Variants in TIMM21 observed in about 807,000 individuals in gnomAD.
TIMM21 encodes mitochondrial import inner membrane translocase subunit Tim21.
Under a neutral mutation model 27.7 loss-of-function variants are expected in TIMM21, and 30 were observed. The observed-to-expected ratio is 1.08, with a 90% CI of 0.81 to 1.47. TIMM21 has a LOEUF of 1.47. TIMM21 is among the 40% of genes most tolerant of loss of function. The probability of loss-of-function intolerance (pLI) is 0.00; values close to 1 mark genes in which losing one functional copy is unlikely to be tolerated. For synonymous variants in TIMM21, 121 were observed against 114.4 expected, an observed-to-expected ratio of 1.06 and a Z score of -0.37; for missense variants, 292 against 302.9, an observed-to-expected ratio of 0.96 and a Z score of 0.27.
rs772033825 is a variant in TIMM21, at chr18:74,158,441, A to G, written c.708A>G (p.Arg236=). The change falls in exon 6 of 6, where the codon AGA becomes AGG. Residue 236 remains arginine, a synonymous_variant. Coordinates refer to ENST00000169551, the MANE Select transcript of TIMM21 (RefSeq NM_014177.3). ...TAGAAATTGAATCTTATCCTAGAAG[A>G]ACTATTATCATTGAAGATAATCGAT... ...IFVEIESYPR[R]TIIIEDNRSQ... is the part of the protein sequence containing the mutation. 66 of 1,601,004 alleles carry G rather than the reference A, an allele frequency of 4.1e-5. No individual in the cohort carries two copies. The highest frequency in any genetic ancestry group is 5.6e-5 in the Non-Finnish European group (66 of 1,169,540).
chr18:74,159,336 G>A lies in TIMM21; in HGVS notation c.*856G>A, dbSNP rs756548846. 1 of 151,020 alleles carries A rather than the reference G, an allele frequency of 6.6e-6. No individual in the cohort carries two copies. The highest frequency in any genetic ancestry group is 2.4e-5 in the African/African-American group (1 of 41,118). The allele number at this position is 151,020 out of a possible 1,614,324, so 9.4% of individuals were successfully genotyped here. On this transcript the variant is annotated 3_prime_UTR_variant, in exon 6 of 6. Coordinates refer to ENST00000169551, the MANE Select transcript of TIMM21 (RefSeq NM_014177.3). ...TATTTGAAATATTTGCTGGGGATTT[G>A]GAAAAAAGTGACCTTCACTTACAAG...
rs1980055404 is a variant in TIMM21 at position 74,159,847 on chromosome 18, A to G, written c.*1367A>G. On this transcript the variant is annotated 3_prime_UTR_variant, in exon 6 of 6. Coordinates refer to ENST00000169551, the MANE Select transcript of TIMM21 (RefSeq NM_014177.3). ...CTTGCTATCCTAAACTCAAAAAAGC[A>G]GCCCTGCTCTTCAAACAACCTGCTC... 6.6e-6 allele frequency: 1 copy of G among 152,250 alleles called. No homozygotes were observed. The highest frequency in any genetic ancestry group is 1.5e-5 in the Non-Finnish European group (1 of 68,044). The allele number at this position is 152,250 out of a possible 1,614,324, so 9.4% of individuals were successfully genotyped here. A position where few individuals can be genotyped will look rare whatever the true frequency, so the allele number is the denominator to read the frequency against.
intron 1 of TIMM21, among the ~76,000 whole-genome samples, chr18:74,149,742 A>G (rs1392021544): frequency 1.3e-5 from 2 of 152,218 alleles, no homozygotes; most frequent in Non-Finnish European, 2.9e-5. Flanking sequence ...TGACTATGCC[A>G]AAAACCTAGC....
At chr18:74,156,288 C>A in intron 3 of TIMM21, 1 of 398,628 alleles carries the variant, frequency 2.5e-6, no homozygotes, top group Non-Finnish European at 4.4e-6. Context: ...CATTTGCAGC[C>A]CCTGAAGAGG....
chr18:74,155,048 G>A (rs1979911935), intron 1 of TIMM21, 97 bp from the exon 2 acceptor site: 1 of 1,200,926 alleles, frequency 8.3e-7, no homozygotes, highest in East Asian at 2.3e-5. Flanking sequence ...GCTTTGATCT[G>A]GAGGCTGCTT....
rs1980069395 is a variant in TIMM21 at position 74,160,384 on chromosome 18, A to G, written c.*1904A>G. On this transcript the variant is annotated 3_prime_UTR_variant, in exon 6 of 6. Transcript: ENST00000169551. ...AGAAATAAAACTAAATTACTTTTTC[A>G]AAAGGAAAAACTCTGTACCAATAAG... 1 of 152,042 alleles carries G rather than the reference A, an allele frequency of 6.6e-6. No homozygotes were observed. The highest frequency in any genetic ancestry group is 6.5e-5 in the Admixed American group (1 of 15,268). 9.4% of individuals were successfully genotyped at this position (152,042 alleles called of 1,614,324 possible).
chr18:74,154,033 A>C (rs1296350522), intron 1 of TIMM21, among the ~76,000 whole-genome samples: 1 of 152,200 alleles, frequency 6.6e-6, no homozygotes, highest in Non-Finnish European at 1.5e-5. Flanking sequence ...AGCTCTTTGC[A>C]TATATATGAA....
At chr18:74,149,977 T>C (rs980485628) in intron 1 of TIMM21, among the ~76,000 whole-genome samples, 2 of 152,218 alleles carry the variant, frequency 1.3e-5, no homozygotes, top group Admixed American at 1.3e-4. Context: ...TTCCCAAATA[T>C]GGAATATGCT....
Position 74,158,371 on chromosome 18 carries a change from T to C in TIMM21, c.643-5T>C. The C allele has an allele frequency of 6.2e-7, 1 of 1,607,298 alleles. No homozygotes were observed. The highest frequency in any genetic ancestry group is 1.1e-5 in the South Asian group (1 of 90,674). ...TAATACCTGGAAACACTACATTTTT[T>C]TCAGAACCCAGGAAGTGGTGAATAT... On this transcript the variant is annotated splice_region_variant and splice_polypyrimidine_tract_variant and intron_variant, in intron 5 of 5. Coordinates refer to ENST00000169551, the MANE Select transcript of TIMM21 (RefSeq NM_014177.3).
chr18:74,151,234 C>G (rs1979793385), intron 1 of TIMM21, among the ~76,000 whole-genome samples: 5 of 152,184 alleles, frequency 3.3e-5, no homozygotes, highest in Admixed American at 6.5e-5. Context: ...AAATGCGTTC[C>G]AGGTCTGAAA....
Position 74,158,577 on chromosome 18 carries a change from T to G in TIMM21, c.*97T>G. 1.3e-6 allele frequency: 1 copy of G among 755,838 alleles called. No homozygotes were observed. 46.8% of individuals were successfully genotyped at this position (755,838 alleles called of 1,614,324 possible). A position where few individuals can be genotyped will look rare whatever the true frequency, so the allele number is the denominator to read the frequency against. On this transcript the variant is annotated 3_prime_UTR_variant, in exon 6 of 6. Transcript: ENST00000169551. ...TGTTCAAAAGAAAGACAAGAAGGAG[T>G]GTATGGCTTATAAAGTGAATCTAAT...
At position 74,148,715 on chromosome 18, in the gene TIMM21, G is replaced by C. The variant is rs1979679694; in HGVS notation, c.-94G>C. 3 of 1,292,224 alleles carry C rather than the reference G, an allele frequency of 2.3e-6. No individual in the cohort carries two copies. The highest frequency in any genetic ancestry group is 2.2e-6 in the Non-Finnish European group (2 of 927,774). 80.0% of individuals were successfully genotyped at this position (1,292,224 alleles called of 1,614,324 possible). A position where few individuals can be genotyped will look rare whatever the true frequency, so the allele number is the denominator to read the frequency against. ...CACCCCATGTAATGTAAACGTATAGGCTTGAGTACGTGTCCGGCCGCATGT... is the reference window on the plus strand; with the variant it reads ...CACCCCATGTAATGTAAACGTATAGCCTTGAGTACGTGTCCGGCCGCATGT... On this transcript the variant is annotated 5_prime_UTR_variant, in exon 1 of 6. Coordinates refer to ENST00000169551, the MANE Select transcript of TIMM21 (RefSeq NM_014177.3).
At chr18:74,155,013 G>T in intron 1 of TIMM21, 132 bp from the exon 2 acceptor site, 1 of 773,570 alleles carries the variant, frequency 1.3e-6, no homozygotes. Flanking sequence ...CAAAACAGCT[G>T]CCCCTGAACA....
rs1599210587 is a variant in TIMM21 at position 74,156,509 on chromosome 18, G to C, written c.462+1106G>C. ...GGTAACCATGGAGAAAGGCAGGGAG[G>C]ATAAAGTATCTCAGAGGTGAAAACC... On this transcript the variant is annotated intron_variant, in intron 3 of 5. Coordinates refer to ENST00000169551, the MANE Select transcript of TIMM21 (RefSeq NM_014177.3). 2.8e-5 allele frequency: 11 copies of C among 386,130 alleles called. No individual in the cohort carries two copies. In the East Asian group the frequency reaches 3.7e-4, roughly 13 times the overall value. The allele number at this position is 386,130 out of a possible 1,614,324, so 23.9% of individuals were successfully genotyped here. A position where few individuals can be genotyped will look rare whatever the true frequency, so the allele number is the denominator to read the frequency against.
intron 1 of TIMM21, among the ~76,000 whole-genome samples, chr18:74,153,854 GT>G (rs1333668986): frequency 1.3e-5 from 2 of 152,102 alleles, no homozygotes; most frequent in Non-Finnish European, 2.9e-5. Context: ...TCTTCCAAAA[GT>G]TTTTTTCTTA....
chr18:74,152,214 C>T lies in TIMM21; in HGVS notation c.302-2931C>T, dbSNP rs1979829525. Among the ~76,000 whole-genome samples, 1 of 152,074 alleles carries T rather than the reference C, an allele frequency of 6.6e-6. No homozygotes were observed. The highest frequency in any genetic ancestry group is 2.4e-5 in the African/African-American group (1 of 41,372). On this transcript the variant is annotated intron_variant, in intron 1 of 5. Transcript: ENST00000169551. This position sits in a 1 kb window ranked among gnomAD's most constrained non-coding sequence, Gnocchi z 4.1. Reference sequence around the variant, plus strand: ...TTTTACAACATTGACCTCAAGGGCCCCCTACCCAGCTTTAGGTTGCCTTTC... The same window carrying T: ...TTTTACAACATTGACCTCAAGGGCCTCCTACCCAGCTTTAGGTTGCCTTTC...
intron 1 of TIMM21, among the ~76,000 whole-genome samples, chr18:74,150,225 A>G (rs1041986209): frequency 6.6e-6 from 1 of 152,178 alleles, no homozygotes; most frequent in Non-Finnish European, 1.5e-5. Flanking sequence ...GATGGCATAA[A>G]TATAGTAGAC....
chr18:74,154,463 G>C (rs1042819804), intron 1 of TIMM21, among the ~76,000 whole-genome samples: 1 of 151,980 alleles, frequency 6.6e-6, no homozygotes, highest in African/African-American at 2.4e-5. Context: ...GCGTTTCACC[G>C]TGTTAGCCAG....
intron 1 of TIMM21, among the ~76,000 whole-genome samples, chr18:74,151,080 C>A (rs529132653): frequency 6.6e-6 from 1 of 152,160 alleles, no homozygotes; most frequent in Non-Finnish European, 1.5e-5. Context: ...CTTCTTACAT[C>A]CGGTGATGGA....
Sources: gnomAD v4.1 joint callset for allele counts (sites outside exome capture counted in the v4.1 genomes callset) on GRCh38, gnomAD v4.1.1 for gene constraint, Gnocchi (gnomAD v3.1) non-coding constraint, MANE v1.5 for transcripts, NCBI Gene and HGNC (gene_info 2026-07-23, HGNC 2026-07-21) for gene names.